Variants in CRADD observed in about 807,000 individuals in gnomAD.
CRADD encodes the protein CARD and death domain containing adaptor protein.
Under a neutral mutation model 15.5 loss-of-function variants are expected in CRADD, and 9 were observed. That is an observed-to-expected ratio of 0.58 (90% confidence interval 0.35 to 1.01). The LOEUF is 1.01. Among genes scored for constraint, CRADD ranks in the 50% least tolerant of loss-of-function variants. The pLI is 0.02. For missense variants in CRADD, 227 were observed against 250.3 expected, an observed-to-expected ratio of 0.91 and a Z score of 0.63; for synonymous variants, 118 against 107.6, an observed-to-expected ratio of 1.10 and a Z score of -0.60.
In CRADD at chr12:93,778,723, G is replaced by GTT. The variant is rs199532871; in HGVS notation, c.299-71233_299-71232dup. On this transcript the variant is annotated intron_variant, in intron 2 of 2. Coordinates refer to ENST00000332896, the MANE Select transcript of CRADD (RefSeq NM_003805.5). ...CACACAGGGTGTTTTTTTTTGGTTGGTTTTTTTTTTTTTTTGGTTTCAGTT... is the reference window on the plus strand; with the variant it reads ...CACACAGGGTGTTTTTTTTTGGTTGGTTTTTTTTTTTTTTTTTGGTTTCAGTT... Among the ~76,000 whole-genome samples, 612 of 130,414 alleles carry GTT rather than the reference G, an allele frequency of 4.7e-3. 7 individuals are homozygous for GTT. Among genetic ancestry groups the GTT allele is most frequent in the African/African-American group, 0.016 (567 of 36,062 alleles). 85.6% of individuals were successfully genotyped at this position (130,414 alleles called of 152,430 possible). A position where few individuals can be genotyped will look rare whatever the true frequency, so the allele number is the denominator to read the frequency against.
chr12:93,819,720 G>T (rs190422151), intron 2 of CRADD, among the ~76,000 whole-genome samples: 2 of 152,384 alleles, frequency 1.3e-5, no homozygotes, highest in African/African-American at 4.8e-5. Context: ...CTTGGTGTGC[G>T]TAAGAGGGCA....
chr12:93,773,468 C>G (rs1172481905), intron 2 of CRADD, among the ~76,000 whole-genome samples: 1 of 152,190 alleles, frequency 6.6e-6, no homozygotes, highest in Non-Finnish European at 1.5e-5. Context: ...ATTGTGAAGC[C>G]TCCCCACCAC....
intron 2 of CRADD, among the ~76,000 whole-genome samples, chr12:93,690,388 C>G (rs1421192241): frequency 6.6e-6 from 1 of 152,214 alleles, no homozygotes; most frequent in East Asian, 1.9e-4. Flanking sequence ...TGCTTTACCT[C>G]TTCTTCATAC....
rs188360159 is a variant in CRADD at position 93,857,150 on chromosome 12, A to C, written c.299-36900A>C. Among the ~76,000 whole-genome samples, 388 of 150,258 alleles carry C rather than the reference A, an allele frequency of 2.6e-3. 2 individuals are homozygous for C. Among genetic ancestry groups the C allele is most frequent in the African/African-American group, 9.1e-3 (372 of 40,724 alleles). ...GCACTTAAAAAGTAAAAAAAAAAAA[A>C]CCCAACATCTTGGCAATACTCATAA... On this transcript the variant is annotated intron_variant, in intron 2 of 2. Transcript: ENST00000548483.
intron 2 of CRADD, chr12:93,893,902 A>G: frequency 1.6e-6 from 1 of 612,718 alleles, no homozygotes; most frequent in Admixed American, 2.7e-5. Flanking sequence ...TCCATCTCAA[A>G]AAAGAAAAAA....
intron 2 of CRADD, among the ~76,000 whole-genome samples, chr12:93,696,208 C>G (rs1338544590): frequency 6.6e-6 from 1 of 152,104 alleles, no homozygotes; most frequent in Non-Finnish European, 1.5e-5. Flanking sequence ...AAATAGAACT[C>G]TGTGTCTTAG....
At chr12:93,772,908 T>TTGCAA (rs1459540355) in intron 2 of CRADD, among the ~76,000 whole-genome samples, 6 of 152,162 alleles carry the variant, frequency 3.9e-5, no homozygotes, top group Admixed American at 1.3e-4. Context: ...CTGGGAAGGG[T>TTGCAA]ACCCAGAAGC....
intron 2 of CRADD, among the ~76,000 whole-genome samples, chr12:93,813,252 T>C (rs1957649365): frequency 6.6e-6 from 1 of 152,002 alleles, no homozygotes; most frequent in Non-Finnish European, 1.5e-5. Flanking sequence ...TCCCAAAACA[T>C]CCAAATTCAA....
At chr12:93,840,243 C>A (rs891864056) in intron 2 of CRADD, among the ~76,000 whole-genome samples, 1 of 152,170 alleles carries the variant, frequency 6.6e-6, no homozygotes, top group Non-Finnish European at 1.5e-5. Flanking sequence ...TGCTTTATGT[C>A]TTTTAATAAA....
At chr12:93,696,568 C>G (rs142699246) in intron 2 of CRADD, among the ~76,000 whole-genome samples, 2 of 151,834 alleles carry the variant, frequency 1.3e-5, no homozygotes, top group African/African-American at 2.4e-5. Context: ...ATGGTAGATA[C>G]CAGAGGCTGG....
At chr12:93,689,151 T>C (rs1171634901) in intron 2 of CRADD, among the ~76,000 whole-genome samples, 1 of 152,214 alleles carries the variant, frequency 6.6e-6, no homozygotes, top group African/African-American at 2.4e-5. Context: ...AGATAGTGTG[T>C]TGGCTCCCCT....
intron 2 of CRADD, among the ~76,000 whole-genome samples, chr12:93,884,947 A>G (rs1166430090): frequency 1.3e-5 from 2 of 152,114 alleles, no homozygotes; most frequent in Admixed American, 6.6e-5. Flanking sequence ...TCTACTAACT[A>G]CAAGTTGCTA....
intron 2 of CRADD, among the ~76,000 whole-genome samples, chr12:93,806,435 G>C (rs1169819456): frequency 8.3e-6 from 1 of 120,082 alleles, no homozygotes; most frequent in Admixed American, 1.1e-4. Flanking sequence ...CTAGGCGACA[G>C]AGCGAGACTC....
chr12:93,850,405 C>T lies in CRADD; in HGVS notation c.*134C>T. The T allele has an allele frequency of 7.2e-7, 1 of 1,394,518 alleles. No homozygotes were observed. The highest frequency in any genetic ancestry group is 2.8e-5 in the East Asian group (1 of 36,082). The allele number at this position is 1,394,518 out of a possible 1,614,324, so 86.4% of individuals were successfully genotyped here. A position where few individuals can be genotyped will look rare whatever the true frequency, so the allele number is the denominator to read the frequency against. On this transcript the variant is annotated 3_prime_UTR_variant, in exon 3 of 3. Coordinates refer to ENST00000332896, the MANE Select transcript of CRADD (RefSeq NM_003805.5). The surrounding 1 kb of genome is among the most constrained non-coding windows in gnomAD (Gnocchi z 4.0). The stretch of plus-strand genomic sequence containing the variant: ...ATGATCTTCAGATGGAAGGAGAAAA[C>T]AGGGTTTCCACTAGACATTACTTGA...
At chr12:93,867,361 T>C (rs528099158) in intron 2 of CRADD, among the ~76,000 whole-genome samples, 1 of 109,586 alleles carries the variant, frequency 9.1e-6, no homozygotes, top group East Asian at 2.5e-4. Flanking sequence ...GTGTGTTTAA[T>C]ATCTGCTATC....
intron 2 of CRADD, among the ~76,000 whole-genome samples, chr12:93,861,086 C>T (rs183484438): frequency 6.6e-6 from 1 of 152,058 alleles, no homozygotes; most frequent in Non-Finnish European, 1.5e-5. Context: ...CAAAGAACGG[C>T]GAGGAGTTCA....
chr12:93,882,877 C>T (rs1027262279), intron 2 of CRADD, among the ~76,000 whole-genome samples: 1 of 152,170 alleles, frequency 6.6e-6, no homozygotes, highest in Admixed American at 6.5e-5. Flanking sequence ...TTGTGGTTTC[C>T]TTTCCATTCT....
intron 2 of CRADD, among the ~76,000 whole-genome samples, chr12:93,802,117 C>T (rs1247319388): frequency 1.1e-4 from 16 of 152,164 alleles, no homozygotes; most frequent in Admixed American, 1.0e-3. Flanking sequence ...AGGCTGGTTC[C>T]CTATCTTTGC....
At chr12:93,859,286 C>CT (rs1165632708) in intron 2 of CRADD, 4 of 453,810 alleles carry the variant, frequency 8.8e-6, no homozygotes, top group Non-Finnish European at 1.8e-5. Flanking sequence ...ACATTTGTTA[C>CT]TTTTTTTCTG....
Sources: gnomAD v4.1 joint callset for allele counts (sites outside exome capture counted in the v4.1 genomes callset) on GRCh38, gnomAD v4.1.1 for gene constraint, Gnocchi (gnomAD v3.1) non-coding constraint, MANE v1.5 for transcripts, NCBI Gene and HGNC (gene_info 2026-07-23, HGNC 2026-07-21) for gene names.